Variants in GRID1 observed in about 807,000 individuals in gnomAD.
The protein encoded by GRID1 is glutamate receptor ionotropic, delta-1.
A neutral mutation model predicts 98.0 loss-of-function variants in GRID1; 28 were observed. That is an observed-to-expected ratio of 0.29 (90% CI 0.21 to 0.39). GRID1 has a LOEUF of 0.39. GRID1 is among the 10% of genes least tolerant of loss of function. The pLI is 1.00. For missense variants in GRID1, 1,111 were observed against 1,340.5 expected (o/e 0.83, Z 2.67); for synonymous variants, 553 against 538.5 (o/e 1.03, Z -0.37).
rs577343432 is a variant in GRID1, at chr10:85,621,077, G to A, written c.2194-1044C>T. Reference sequence around the variant, plus strand: ...AACTTTGCCTGGAGTTTGGGCACTCGGAGGGAATGCAAGCTGCTTTACTTT... The same window carrying A: ...AACTTTGCCTGGAGTTTGGGCACTCAGAGGGAATGCAAGCTGCTTTACTTT... On this transcript the variant is annotated intron_variant, in intron 13 of 15. Transcript: ENST00000327946. Among the ~76,000 whole-genome samples, 17 of 152,254 alleles carry A rather than the reference G, an allele frequency of 1.1e-4. 1 individual carries two copies. In the South Asian group the frequency reaches 1.9e-3, roughly 17 times the overall value.
At chr10:86,109,668 A>G (rs1408994181) in intron 4 of GRID1, among the ~76,000 whole-genome samples, 1 of 152,174 alleles carries the variant, frequency 6.6e-6, no homozygotes, top group Non-Finnish European at 1.5e-5. Flanking sequence ...GGAGATGTTT[A>G]AGCATCTCAT....
At chr10:85,746,957 C>G (rs1842003012) in intron 8 of GRID1, among the ~76,000 whole-genome samples, 1 of 152,168 alleles carries the variant, frequency 6.6e-6, no homozygotes, top group African/African-American at 2.4e-5. Flanking sequence ...GTTTATTCCT[C>G]TCTGTATTCC....
chr10:85,737,673 T>TATATATATGTATAA (rs1342754070), intron 8 of GRID1, among the ~76,000 whole-genome samples: 5 of 113,054 alleles, frequency 4.4e-5, no homozygotes, highest in African/African-American at 1.8e-4. Flanking sequence ...TATATATATA[T>TATATATATGTATAA]AAACATATAT....
chr10:86,265,388 C>A (rs1462846047), intron 2 of GRID1, among the ~76,000 whole-genome samples: 1 of 152,260 alleles, frequency 6.6e-6, no homozygotes, highest in African/African-American at 2.4e-5. Context: ...CTGTGCCAGG[C>A]ACTGTGCCAA....
At chr10:85,962,664 C>A (rs571474763) in intron 4 of GRID1, among the ~76,000 whole-genome samples, 3 of 152,240 alleles carry the variant, frequency 2.0e-5, no homozygotes, top group African/African-American at 7.2e-5. Flanking sequence ...CCACCCTTGC[C>A]CCAGGGAGAC....
intron 3 of GRID1, among the ~76,000 whole-genome samples, chr10:86,166,995 T>C (rs371582855): frequency 2.6e-5 from 4 of 152,204 alleles, no homozygotes; most frequent in Admixed American, 2.0e-4. Context: ...CTGGGGCCTA[T>C]TGGCAGAAAG....
chr10:85,720,643 AAAG>A (rs1236209274), intron 12 of GRID1, among the ~76,000 whole-genome samples: 4 of 151,414 alleles, frequency 2.6e-5, no homozygotes, highest in African/African-American at 9.7e-5. Context: ...CAAAAAAAAA[AAAG>A]AAAGAAAGAA....
chr10:85,708,605 A>C (rs902631834), intron 12 of GRID1, among the ~76,000 whole-genome samples: 3 of 152,228 alleles, frequency 2.0e-5, no homozygotes, highest in African/African-American at 7.2e-5. Context: ...GAAAATGATC[A>C]TTTCATATTG....
chr10:85,828,237 A>T (rs1018971021), intron 8 of GRID1, among the ~76,000 whole-genome samples: 3 of 152,182 alleles, frequency 2.0e-5, no homozygotes, highest in African/African-American at 7.2e-5. Flanking sequence ...ATTTGAAACT[A>T]ATGAAAATAA....
intron 2 of GRID1, among the ~76,000 whole-genome samples, chr10:86,317,705 G>C (rs904849218): frequency 1.1e-4 from 17 of 152,154 alleles, no homozygotes; most frequent in Admixed American, 9.8e-4. Context: ...AGGAGGTCAA[G>C]GGATCCTCCA....
At chr10:85,820,791 T>A (rs1486522748) in intron 8 of GRID1, among the ~76,000 whole-genome samples, 5 of 152,216 alleles carry the variant, frequency 3.3e-5, no homozygotes, top group African/African-American at 1.2e-4. Context: ...TGTAGAAGAA[T>A]TGAAATGTTA....
At chr10:85,917,273 A>G (rs893908710) in intron 4 of GRID1, among the ~76,000 whole-genome samples, 1 of 152,062 alleles carries the variant, frequency 6.6e-6, no homozygotes, top group African/African-American at 2.4e-5. Flanking sequence ...TTTTGTTTGT[A>G]ATGTAATTTT....
intron 8 of GRID1, among the ~76,000 whole-genome samples, chr10:85,818,609 T>C (rs1488202443): frequency 1.3e-5 from 2 of 152,136 alleles, no homozygotes; most frequent in African/African-American, 4.8e-5. Flanking sequence ...GAGCATCTTA[T>C]AGCATGAGAA....
In GRID1 at chr10:86,007,293, C is replaced by T. The variant is rs193239676; in HGVS notation, c.727-91054G>A. On this transcript the variant is annotated intron_variant, in intron 4 of 15. Coordinates refer to ENST00000327946, the MANE Select transcript of GRID1 (RefSeq NM_017551.3). ...GCTCTCAGAGCTTCTCTGCCGCTCTCTCCTCCCACCCCCCACTGACACTGA... is the reference window on the plus strand; with the variant it reads ...GCTCTCAGAGCTTCTCTGCCGCTCTTTCCTCCCACCCCCCACTGACACTGA... 2.0e-5 allele frequency among the ~76,000 whole-genome samples: 3 copies of T among 152,342 alleles called. No homozygotes were observed. In the East Asian group the frequency reaches 5.8e-4, roughly 29 times the overall value.
At chr10:86,213,221 G>A (rs1348065034) in intron 2 of GRID1, among the ~76,000 whole-genome samples, 1 of 151,972 alleles carries the variant, frequency 6.6e-6, no homozygotes, top group Admixed American at 6.6e-5. Flanking sequence ...ACTCAGGGTG[G>A]ATCAACCTGC....
At chr10:85,895,266 G>T (rs1465980420) in intron 5 of GRID1, among the ~76,000 whole-genome samples, 1 of 151,450 alleles carries the variant, frequency 6.6e-6, no homozygotes, top group Non-Finnish European at 1.5e-5. Context: ...TCTAATAAAG[G>T]CTCCACCTTT....
In GRID1 at chr10:85,599,802, A is replaced by AAAAAAAAATATATATATATATAT; in HGVS notation, c.*2470_*2471insATATATATATATATATTTTTTTT. 22 of 64,964 alleles carry AAAAAAAAATATATATATATATAT rather than the reference A, an allele frequency of 3.4e-4. No homozygotes were observed. The highest frequency in any genetic ancestry group is 4.4e-4 in the Non-Finnish European group (17 of 38,772). The allele number at this position is 64,964 out of a possible 1,614,324, so 4.0% of individuals were successfully genotyped here. On this transcript the variant is annotated 3_prime_UTR_variant, in exon 16 of 16. Transcript: ENST00000327946. ...GTAGAAAATTCTAAAAAAAAAAAAA[A>AAAAAAAAATATATATATATATAT]ATATATATATATATATATAAACATG...
At chr10:85,801,206 A>G (rs886390736) in intron 8 of GRID1, among the ~76,000 whole-genome samples, 1 of 152,024 alleles carries the variant, frequency 6.6e-6, no homozygotes, top group South Asian at 2.1e-4. Context: ...GAAATAAAAC[A>G]TGAAAATTCT....
chr10:86,186,712 C>G (rs1369928202), intron 3 of GRID1, among the ~76,000 whole-genome samples: 1 of 152,216 alleles, frequency 6.6e-6, no homozygotes, highest in African/African-American at 2.4e-5. Context: ...AAACACTAAA[C>G]TCAATGCTGG....
Sources: allele counts gnomAD v4.1 joint callset (sites outside exome capture counted in the v4.1 genomes callset), GRCh38; gene constraint gnomAD v4.1.1; transcripts MANE v1.5; gene names NCBI Gene and HGNC (gene_info 2026-07-23, HGNC 2026-07-21).